Variants in GABRP observed in about 807,000 individuals in gnomAD.
GABRP encodes gamma-aminobutyric acid receptor subunit pi.
Under a neutral mutation model 47.8 loss-of-function variants are expected in GABRP, and 52 were observed. The observed-to-expected ratio is 1.09, with a 90% CI of 0.87 to 1.37. GABRP has a LOEUF of 1.37. Ranked by LOEUF, GABRP falls within the 40% of genes most tolerant of loss-of-function variation. The probability of loss-of-function intolerance (pLI) is 0.00; values close to 1 mark genes in which losing one functional copy is unlikely to be tolerated. For synonymous variants in GABRP, 221 were observed against 205.8 expected, an observed-to-expected ratio of 1.07 and a Z score of -0.63; for missense variants, 525 against 542.8, an observed-to-expected ratio of 0.97 and a Z score of 0.33.
chr5:170,785,896 A>G (rs767550449), intron 1 of GABRP, among the ~76,000 whole-genome samples: 11 of 152,174 alleles, frequency 7.2e-5, no homozygotes, highest in Non-Finnish European at 1.3e-4. Flanking sequence ...CAACATTTGG[A>G]GGGCCCCCAC....
chr5:170,790,561 G>T (rs868107992), intron 3 of GABRP, among the ~76,000 whole-genome samples: 1 of 152,132 alleles, frequency 6.6e-6, no homozygotes, highest in African/African-American at 2.4e-5. Context: ...TGTCTAGAAG[G>T]GAGAATGAGG....
chr5:170,801,071 T>C (rs933915867), intron 6 of GABRP, among the ~76,000 whole-genome samples: 2 of 152,200 alleles, frequency 1.3e-5, no homozygotes, highest in African/African-American at 2.4e-5. Context: ...CTGAGAGATA[T>C]GTATATTGTT....
At chr5:170,792,945 T>A (rs1301336454) in intron 3 of GABRP, among the ~76,000 whole-genome samples, 3 of 152,148 alleles carry the variant, frequency 2.0e-5, no homozygotes, top group African/African-American at 7.2e-5. Flanking sequence ...GCCTGGTGAA[T>A]AAAGTTGTCC....
Position 170,813,301 on chromosome 5 carries a change from G to A in GABRP, c.*1043G>A, listed in dbSNP as rs1765941182. Reference sequence around the variant, plus strand: ...TTCCAAGAGGAGCATTCATCCCTTTGCTCTAATGATCAGGAATGATGCTTA... The same window carrying A: ...TTCCAAGAGGAGCATTCATCCCTTTACTCTAATGATCAGGAATGATGCTTA... On this transcript the variant is annotated 3_prime_UTR_variant, in exon 10 of 10. Coordinates refer to ENST00000265294, the MANE Select transcript of GABRP (RefSeq NM_014211.3). The A allele has an allele frequency of 6.6e-6, 1 of 152,168 alleles. No individual in the cohort carries two copies. The highest frequency in any genetic ancestry group is 1.5e-5 in the Non-Finnish European group (1 of 68,036). The allele number at this position is 152,168 out of a possible 1,614,324, so 9.4% of individuals were successfully genotyped here.
At chr5:170,787,749 A>T (rs1173387884) in intron 1 of GABRP, among the ~76,000 whole-genome samples, 1 of 152,200 alleles carries the variant, frequency 6.6e-6, no homozygotes, top group Non-Finnish European at 1.5e-5. Context: ...CACTGTGAGG[A>T]TGGAGTGAGC....
At chr5:170,805,677 A>C (rs766181531) in intron 6 of GABRP, 39 bp from the exon 7 acceptor site, 1 of 1,608,236 alleles carries the variant, frequency 6.2e-7, no homozygotes, top group South Asian at 1.1e-5. Context: ...TCAATCTGGA[A>C]CACCCTTGCA....
At chr5:170,798,111 G>A (rs568405455) in intron 6 of GABRP, among the ~76,000 whole-genome samples, 28 of 152,314 alleles carry the variant, frequency 1.8e-4, no homozygotes, top group Admixed American at 3.9e-4. Flanking sequence ...GCGCGATCTC[G>A]GCTCACTGCA....
At chr5:170,810,701 G>A (rs1433867271) in intron 9 of GABRP, among the ~76,000 whole-genome samples, 1 of 152,204 alleles carries the variant, frequency 6.6e-6, no homozygotes, top group Non-Finnish European at 1.5e-5. Context: ...CTTGAGCAAA[G>A]TGCTAGGACC....
At chr5:170,807,383 T>A (rs962276440) in intron 7 of GABRP, among the ~76,000 whole-genome samples, 3 of 152,190 alleles carry the variant, frequency 2.0e-5, no homozygotes, top group African/African-American at 7.2e-5. Context: ...CCAAGTTGGG[T>A]TCATATAAAA....
upstream of GABRP, among the ~76,000 whole-genome samples, chr5:170,783,265 G>A (rs560388580): frequency 6.6e-6 from 1 of 152,282 alleles, no homozygotes; most frequent in Admixed American, 6.5e-5. Context: ...CATAGAATAG[G>A]CCTTCTGTTG....
At chr5:170,786,898 T>C (rs1376043754) in intron 1 of GABRP, among the ~76,000 whole-genome samples, 1 of 152,244 alleles carries the variant, frequency 6.6e-6, no homozygotes, top group Non-Finnish European at 1.5e-5. Flanking sequence ...TGTAAATATA[T>C]ATGTGTATCT....
At position 170,810,001 on chromosome 5, in the gene GABRP, T is replaced by C. The variant is rs1322766895; in HGVS notation, c.1020+246T>C. The C allele has an allele frequency of 4.3e-6, 3 of 701,436 alleles. No individual in the cohort carries two copies. In the Admixed American group the frequency reaches 6.0e-5, roughly 14 times the overall value. The allele number at this position is 701,436 out of a possible 1,614,324, so 43.5% of individuals were successfully genotyped here. On this transcript the variant is annotated intron_variant, in intron 9 of 9. Transcript: ENST00000265294. ...TTTCCAGCAGAAAATATGTTATCTG[T>C]ATGCAGCATAAAATCACAACCACAG...
chr5:170,787,975 C>G (rs977352461), intron 1 of GABRP, among the ~76,000 whole-genome samples: 1 of 152,176 alleles, frequency 6.6e-6, no homozygotes, highest in African/African-American at 2.4e-5. Flanking sequence ...AGATATGGCC[C>G]AGAGGATAAA....
intron 6 of GABRP, among the ~76,000 whole-genome samples, chr5:170,799,403 TAA>T (rs1256961821): frequency 6.6e-6 from 1 of 152,218 alleles, no homozygotes; most frequent in Non-Finnish European, 1.5e-5. Flanking sequence ...ACCAACAGTG[TAA>T]AAGTGTTCCT....
chr5:170,788,470 T>C (rs1765180639), intron 1 of GABRP, 104 bp from the exon 2 acceptor site: 2 of 699,986 alleles, frequency 2.9e-6, no homozygotes, highest in Non-Finnish European at 5.1e-6. Flanking sequence ...TTCCTATGCA[T>C]GCTGAGAAAA....
Position 170,795,188 on chromosome 5 carries a change from A to G in GABRP, c.241-20A>G, listed in dbSNP as rs774809795. 3.1e-6 allele frequency: 5 copies of G among 1,588,412 alleles called. No homozygotes were observed. The South Asian group carries it at 5.5e-5, about 18-fold the overall frequency. ...ACCCACTACCCCCATCCATTTCCAT[A>G]CCCTGCCTCCCCCTCCCAGGACTAC... On this transcript the variant is annotated intron_variant, in intron 4 of 9. Transcript: ENST00000265294.
rs73800957 is a variant in GABRP, at chr5:170,801,159, C to T, written c.541+3611C>T. Among the ~76,000 whole-genome samples, 24 of 152,224 alleles carry T rather than the reference C, an allele frequency of 1.6e-4. No individual in the cohort carries two copies. The South Asian group carries it at 3.7e-3, about 24-fold the overall frequency. ...CCCAAGGGAAAGTGAAGTAGCCGCA[C>T]GGGGACTTCAACCCAGGTGGAATGG... On this transcript the variant is annotated intron_variant, in intron 6 of 9. Coordinates refer to ENST00000265294, the MANE Select transcript of GABRP (RefSeq NM_014211.3).
At chr5:170,803,917 G>A (rs1345666671) in intron 6 of GABRP, among the ~76,000 whole-genome samples, 6 of 151,908 alleles carry the variant, frequency 3.9e-5, no homozygotes, top group Non-Finnish European at 5.9e-5. Context: ...GCTGGCATGC[G>A]CTGCCACACC....
intron 9 of GABRP, chr5:170,810,071 G>C (rs1456124764): frequency 1.6e-6 from 1 of 639,746 alleles, no homozygotes; most frequent in Non-Finnish European, 2.8e-6. Flanking sequence ...AACATGATCA[G>C]CTGCTTGCAA....
Sources: allele counts gnomAD v4.1 joint callset (sites outside exome capture counted in the v4.1 genomes callset), GRCh38; gene constraint gnomAD v4.1.1; transcripts MANE v1.5; gene names NCBI Gene and HGNC (gene_info 2026-07-23, HGNC 2026-07-21).